AUTS2: variants seen among roughly 807,000 people sequenced by gnomAD.
AUTS2 encodes the protein autism susceptibility gene 2 protein.
AUTS2 carries 17 observed loss-of-function variants against 112.4 expected under a neutral mutation model. The observed-to-expected ratio is 0.15, with a 90% CI of 0.10 to 0.23. AUTS2 has a LOEUF of 0.23. Among genes scored for constraint, AUTS2 ranks in the 10% least tolerant of loss-of-function variants. The probability of loss-of-function intolerance (pLI) is 1.00; values close to 1 mark genes in which losing one functional copy is unlikely to be tolerated. For synonymous variants in AUTS2, 751 were observed against 702.7 expected (o/e 1.07, Z -1.09); for missense variants, 1,510 against 1,701.6 (o/e 0.89, Z 1.98).
intron 5 of AUTS2, among the ~76,000 whole-genome samples, chr7:70,645,651 G>A (rs1270782015): frequency 1.3e-5 from 2 of 152,114 alleles, no homozygotes; most frequent in Non-Finnish European, 2.9e-5. Context: ...TTTGCCTTTG[G>A]CTTCTGACAG....
intron 4 of AUTS2, among the ~76,000 whole-genome samples, chr7:70,392,873 G>T (rs932956222): frequency 6.6e-6 from 1 of 152,152 alleles, no homozygotes; most frequent in African/African-American, 2.4e-5. Context: ...TTTTCTAGTG[G>T]GATTAGAAAG....
At chr7:70,037,522 A>G (rs1801059393) in intron 2 of AUTS2, among the ~76,000 whole-genome samples, 1 of 152,180 alleles carries the variant, frequency 6.6e-6, no homozygotes, top group Admixed American at 6.5e-5. Context: ...TCCACAATAA[A>G]ATGTATTAAT....
At chr7:70,389,314 C>T (rs1793746883) in intron 4 of AUTS2, among the ~76,000 whole-genome samples, 1 of 152,168 alleles carries the variant, frequency 6.6e-6, no homozygotes, top group African/African-American at 2.4e-5. Flanking sequence ...TCCACCCAAT[C>T]CTTCAGTGCC....
At chr7:70,528,029 T>G (rs748801035) in intron 5 of AUTS2, among the ~76,000 whole-genome samples, 1 of 151,932 alleles carries the variant, frequency 6.6e-6, no homozygotes, top group Non-Finnish European at 1.5e-5. Flanking sequence ...GTTGTAAATT[T>G]AGAGGATGGG....
chr7:69,920,126 T>C (rs772132389), intron 2 of AUTS2, among the ~76,000 whole-genome samples: 1 of 152,096 alleles, frequency 6.6e-6, no homozygotes, highest in African/African-American at 2.4e-5. Context: ...TAACTTTAGA[T>C]CTTTTACATT....
chr7:69,689,972 C>A (rs940437164), intron 1 of AUTS2, among the ~76,000 whole-genome samples: 4 of 151,904 alleles, frequency 2.6e-5, no homozygotes, highest in Non-Finnish European at 5.9e-5. Context: ...GGATTATAGG[C>A]GTGAGCCACT....
At chr7:70,579,374 A>G (rs897697872) in intron 5 of AUTS2, among the ~76,000 whole-genome samples, 6 of 152,024 alleles carry the variant, frequency 3.9e-5, no homozygotes, top group Admixed American at 3.3e-4. Flanking sequence ...TAATAATTCA[A>G]ATGAAATTGA....
At chr7:70,096,963 C>G (rs1196578864) in intron 2 of AUTS2, among the ~76,000 whole-genome samples, 2 of 152,184 alleles carry the variant, frequency 1.3e-5, no homozygotes, top group Non-Finnish European at 2.9e-5. Flanking sequence ...TGCTATCTTA[C>G]GTTCTCTTTT....
chr7:70,502,431 T>C (rs1471798378), intron 5 of AUTS2, among the ~76,000 whole-genome samples: 1 of 152,172 alleles, frequency 6.6e-6, no homozygotes, highest in Non-Finnish European at 1.5e-5. Flanking sequence ...CCTGCATCTG[T>C]TTGAAAGAAA....
chr7:70,604,922 T>C (rs1309877624), intron 5 of AUTS2, among the ~76,000 whole-genome samples: 1 of 152,232 alleles, frequency 6.6e-6, no homozygotes, highest in African/African-American at 2.4e-5. Flanking sequence ...TTAATAATTA[T>C]TGCCATTCTT....
intron 5 of AUTS2, among the ~76,000 whole-genome samples, chr7:70,666,644 C>T (rs1807363283): frequency 6.6e-6 from 1 of 151,600 alleles, no homozygotes; most frequent in Middle Eastern, 3.2e-3. Flanking sequence ...TTCACGTTTT[C>T]CCACCACATT....
At chr7:69,977,261 G>A (rs1798099113) in intron 2 of AUTS2, among the ~76,000 whole-genome samples, 1 of 152,064 alleles carries the variant, frequency 6.6e-6, no homozygotes, top group Admixed American at 6.6e-5. Flanking sequence ...GTATGTGAAG[G>A]TTTATTTCTG....
intron 2 of AUTS2, among the ~76,000 whole-genome samples, chr7:70,020,454 GGTTCT>G (rs1800219555): frequency 6.6e-6 from 1 of 152,046 alleles, no homozygotes; most frequent in Non-Finnish European, 1.5e-5. Flanking sequence ...ACTGATGTTT[GGTTCT>G]TCATTTTATT....
chr7:70,228,814 G>A (rs1351182848), intron 4 of AUTS2, among the ~76,000 whole-genome samples: 2 of 151,764 alleles, frequency 1.3e-5, no homozygotes, highest in African/African-American at 4.8e-5. Flanking sequence ...TGTAATTATT[G>A]CTTTGTATAA....
intron 5 of AUTS2, among the ~76,000 whole-genome samples, chr7:70,454,485 C>T (rs561278318): frequency 4.6e-5 from 7 of 151,872 alleles, no homozygotes; most frequent in Non-Finnish European, 7.4e-5. Flanking sequence ...TGCAGTAAGC[C>T]GAGATCACGC....
At chr7:70,402,486 C>T (rs1251205810) in intron 4 of AUTS2, among the ~76,000 whole-genome samples, 2 of 152,134 alleles carry the variant, frequency 1.3e-5, no homozygotes, top group African/African-American at 4.8e-5. Flanking sequence ...TGGAAGCTAT[C>T]GCATTTTCTT....
intron 1 of AUTS2, among the ~76,000 whole-genome samples, chr7:69,754,732 T>C (rs2129275358): frequency 6.6e-6 from 1 of 152,274 alleles, no homozygotes; most frequent in Non-Finnish European, 1.5e-5. Flanking sequence ...TTAAGTAATC[T>C]GCATATCTTA....
At chr7:69,948,339 C>G (rs1430352933) in intron 2 of AUTS2, among the ~76,000 whole-genome samples, 3 of 152,162 alleles carry the variant, frequency 2.0e-5, no homozygotes, top group Non-Finnish European at 4.4e-5. Context: ...TTTTATCTAC[C>G]TTGTTGGCAA....
chr7:70,429,596 C>T (rs1390079330), intron 4 of AUTS2, among the ~76,000 whole-genome samples: 1 of 152,140 alleles, frequency 6.6e-6, no homozygotes, highest in Admixed American at 6.5e-5. Flanking sequence ...GGATGCCAAC[C>T]AGGGCCGGAC....
Sources: allele counts gnomAD v4.1 joint callset (sites outside exome capture counted in the v4.1 genomes callset), GRCh38; gene constraint gnomAD v4.1.1; transcripts MANE v1.5; gene names NCBI Gene and HGNC (gene_info 2026-07-23, HGNC 2026-07-21).